Variants in ANKFN1 observed in about 807,000 individuals in gnomAD.
ANKFN1 encodes ankyrin repeat and fibronectin type III domain containing 1, also known as ankyrin repeat and fibronectin type-III domain-containing protein 1.
ANKFN1 carries 74 observed loss-of-function variants against 108.7 expected under a neutral mutation model. That is an observed-to-expected ratio of 0.68 (90% CI 0.56 to 0.83). ANKFN1 has a LOEUF of 0.83. Ranked by LOEUF, ANKFN1 falls within the 40% of genes least tolerant of loss-of-function variation. The pLI is 0.00. For missense variants in ANKFN1, 1,505 were observed against 1,382.3 expected, an observed-to-expected ratio of 1.09 and a Z score of -1.41; for synonymous variants, 547 against 516.2, an observed-to-expected ratio of 1.06 and a Z score of -0.81.
intron 11 of ANKFN1, 148 bp downstream of exon 11, chr17:56,449,334 C>T (rs2049408280): frequency 8.0e-6 from 4 of 502,420 alleles, no homozygotes; most frequent in Non-Finnish European, 1.4e-5. Context: ...ACAGCACTAT[C>T]TTGCTTTAAC....
chr17:56,491,544 C>A (rs754772310), intron 18 of ANKFN1, among the ~76,000 whole-genome samples: 1 of 152,134 alleles, frequency 6.6e-6, no homozygotes, highest in Non-Finnish European at 1.5e-5. Flanking sequence ...GTCCAATTAT[C>A]TGTTGAGAGA....
chr17:56,196,251 A>G (rs1215859461), intron 1 of ANKFN1, among the ~76,000 whole-genome samples: 1 of 152,182 alleles, frequency 6.6e-6, no homozygotes, highest in Non-Finnish European at 1.5e-5. Flanking sequence ...ACCCTGTCTC[A>G]AAAAAGGCAA....
intron 6 of ANKFN1, among the ~76,000 whole-genome samples, chr17:56,370,936 G>A (rs778950112): frequency 2.5e-5 from 3 of 122,064 alleles, no homozygotes; most frequent in African/African-American, 5.1e-5. Flanking sequence ...GTGCGCCCGC[G>A]TGTGTGTATG....
chr17:56,188,543 A>ATGTGTGTGTGTGTG lies in ANKFN1; in HGVS notation c.-70-24054_-70-24053insGTGTGTGTGTGTGT, dbSNP rs1466873294. ...ATATATAAGAAATAAAATAAGATGTATATGTGTGTGTGTGTGTGTATGTGT... is the reference window on the plus strand; with the variant it reads ...ATATATAAGAAATAAAATAAGATGTATGTGTGTGTGTGTGTATGTGTGTGTGTGTGTGTATGTGT... On this transcript the variant is annotated intron_variant, in intron 1 of 20. Coordinates refer to ENST00000682825, the MANE Select transcript of ANKFN1 (RefSeq NM_001370326.1). 1.2e-3 allele frequency among the ~76,000 whole-genome samples: 92 copies of ATGTGTGTGTGTGTG among 74,090 alleles called. 11 individuals carry two copies. Among genetic ancestry groups the ATGTGTGTGTGTGTG allele is most frequent in the African/African-American group, 7.7e-3 (85 of 11,030 alleles). 48.6% of individuals were successfully genotyped at this position (74,090 alleles called of 152,430 possible). A position where few individuals can be genotyped will look rare whatever the true frequency, so the allele number is the denominator to read the frequency against.
At chr17:56,061,786 T>C (rs977358095) in intron 4 of ANKFN1, among the ~76,000 whole-genome samples, 2 of 152,188 alleles carry the variant, frequency 1.3e-5, no homozygotes, top group African/African-American at 4.8e-5. Flanking sequence ...AGCTAGCTTT[T>C]GGATAGTTTG....
chr17:56,139,033 A>G (rs1907765297), intron 4 of ANKFN1, among the ~76,000 whole-genome samples: 1 of 152,184 alleles, frequency 6.6e-6, no homozygotes, highest in Admixed American at 6.5e-5. Context: ...GATACAATGA[A>G]TGGGAGAGTT....
At chr17:56,108,129 A>G (rs58771494) in intron 4 of ANKFN1, among the ~76,000 whole-genome samples, 2,517 of 152,290 alleles carry the variant, frequency 0.017, 70 homozygotes, top group African/African-American at 0.057. Flanking sequence ...TCTGCCTCCC[A>G]GGTTCAAGTG....
chr17:56,425,271 A>G (rs1050646463), intron 8 of ANKFN1, among the ~76,000 whole-genome samples: 1 of 152,172 alleles, frequency 6.6e-6, no homozygotes, highest in African/African-American at 2.4e-5. Context: ...TTTGGTGGGT[A>G]ACAGGAAGTC....
intron 6 of ANKFN1, among the ~76,000 whole-genome samples, chr17:56,356,123 C>G (rs759449530): frequency 3.9e-5 from 6 of 152,066 alleles, no homozygotes; most frequent in Admixed American, 1.3e-4. Flanking sequence ...GAAAGTTGCA[C>G]TGGGGCTAAT....
intron 3 of ANKFN1, among the ~76,000 whole-genome samples, chr17:56,311,753 G>C (rs2045033021): frequency 6.6e-6 from 1 of 152,168 alleles, no homozygotes; most frequent in Admixed American, 6.5e-5. Flanking sequence ...TTTGCATTGG[G>C]TGTATATGAA....
chr17:56,494,127 A>G (rs918118267), intron 19 of ANKFN1, among the ~76,000 whole-genome samples: 1 of 152,192 alleles, frequency 6.6e-6, no homozygotes, highest in African/African-American at 2.4e-5. Flanking sequence ...TGAAACACTC[A>G]GGAAGAAAAT....
At chr17:56,133,960 G>C (rs1184320530) in intron 4 of ANKFN1, among the ~76,000 whole-genome samples, 1 of 152,006 alleles carries the variant, frequency 6.6e-6, no homozygotes, top group African/African-American at 2.4e-5. Flanking sequence ...CATAGGTTAA[G>C]GCCTCAGTTC....
intron 4 of ANKFN1, among the ~76,000 whole-genome samples, chr17:56,055,644 G>A (rs1401615428): frequency 7.4e-6 from 1 of 135,794 alleles, no homozygotes; most frequent in Non-Finnish European, 1.5e-5. Context: ...TACTCAGGTT[G>A]GTTTCATGAC....
intron 1 of ANKFN1, among the ~76,000 whole-genome samples, chr17:56,182,917 C>T (rs1911829299): frequency 6.6e-6 from 1 of 152,170 alleles, no homozygotes; most frequent in Admixed American, 6.5e-5. Flanking sequence ...ACTAAATCTA[C>T]TTTGCCTGTA....
Position 56,354,007 on chromosome 17 carries a change from A to G in ANKFN1, c.562A>G (p.Arg188Gly). Reference protein sequence around the residue: ...AIMTNNVPIARILLRTGARES... With the variant: ...AIMTNNVPIAGILLRTGARES... ...CATGACCAACAATGTGCCCATTGCA[A>G]GGATTCTTCTGAGGACAGGGGCCCG... The change falls in exon 6 of 21, where the codon AGG becomes GGG. Residue 188 changes from arginine (R) to glycine (G), a missense_variant. Arg to Gly is a moderately radical substitution (Grantham distance 125). Coordinates refer to ENST00000682825, the MANE Select transcript of ANKFN1 (RefSeq NM_001370326.1). 4 of 1,613,994 alleles carry G rather than the reference A, an allele frequency of 2.5e-6. No homozygotes were observed. The African/African-American group carries it at 5.3e-5, about 22-fold the overall frequency.
chr17:56,333,996 A>G (rs2045737330), intron 4 of ANKFN1, among the ~76,000 whole-genome samples: 1 of 152,080 alleles, frequency 6.6e-6, no homozygotes, highest in African/African-American at 2.4e-5. Flanking sequence ...AAAATGATAC[A>G]TCTTGTTGCT....
chr17:56,182,845 G>A (rs909702345), intron 1 of ANKFN1, among the ~76,000 whole-genome samples: 1 of 152,140 alleles, frequency 6.6e-6, no homozygotes, highest in Non-Finnish European at 1.5e-5. Context: ...TGCAGCTGGT[G>A]GTCAATGTCA....
Position 56,060,882 on chromosome 17 carries a change from T to G in ANKFN1, c.288+14557T>G, listed in dbSNP as rs568353896. Among the ~76,000 whole-genome samples the G allele has an allele frequency of 6.6e-4, 101 of 152,354 alleles. 2 individuals carry two copies. The highest frequency in any genetic ancestry group is 1.3e-3 in the Non-Finnish European group (86 of 68,028). Reference sequence around the variant, plus strand: ...TCGATGTTCAACAGGGATATTGGCCTGAAGTTTTCTTTTTTAGTTGTGTCT... The same window carrying G: ...TCGATGTTCAACAGGGATATTGGCCGGAAGTTTTCTTTTTTAGTTGTGTCT... On this transcript the variant is annotated intron_variant, in intron 4 of 12. Coordinates refer to the ANKFN1 transcript ENST00000635860.
intron 4 of ANKFN1, among the ~76,000 whole-genome samples, chr17:56,349,393 G>GAA (rs397690706): frequency 9.1e-4 from 133 of 146,460 alleles, no homozygotes; most frequent in South Asian, 2.8e-3. Flanking sequence ...TTAAAAGCTG[G>GAA]AAAAAAAAAA....
Sources: allele counts gnomAD v4.1 joint callset (sites outside exome capture counted in the v4.1 genomes callset), GRCh38; gene constraint gnomAD v4.1.1; transcripts MANE v1.5; gene names NCBI Gene and HGNC (gene_info 2026-07-23, HGNC 2026-07-21).